Variants in MELK observed in about 807,000 individuals in gnomAD.
MELK encodes maternal embryonic leucine zipper kinase, also known as pEg3 kinase.
A neutral mutation model predicts 85.0 loss-of-function variants in MELK; 81 were observed. The observed-to-expected ratio is 0.95, with a 90% CI of 0.80 to 1.15. The LOEUF is 1.15. MELK is among the 50% of genes most tolerant of loss of function. The pLI is 0.00. For missense variants in MELK, 754 were observed against 777.5 expected (o/e 0.97, Z 0.36); for synonymous variants, 252 against 265.0 (o/e 0.95, Z 0.48).
At chr9:36,606,755 TATA>T (rs1354704026) in intron 7 of MELK, 1 of 147,848 alleles carries the variant, frequency 6.8e-6, no homozygotes. Flanking sequence ...ATATAATATA[TATA>T]ATAAATAATC....
At chr9:36,659,233 G>A (rs1286559242) in intron 13 of MELK, among the ~76,000 whole-genome samples, 1 of 151,964 alleles carries the variant, frequency 6.6e-6, no homozygotes, top group Non-Finnish European at 1.5e-5. Flanking sequence ...CCAGGCTGGT[G>A]TTAAACTCCT....
rs201838679 is a variant in MELK, at chr9:36,665,451, A to G, written c.1278A>G (p.Val426=). 3.3e-5 allele frequency: 54 copies of G among 1,613,200 alleles called. No homozygotes were observed. In the African/African-American group the frequency reaches 6.3e-4, roughly 19 times the overall value. Residue 426 remains valine, a synonymous_variant, in exon 14 of 18, where the codon GTA becomes GTG. Coordinates refer to ENST00000298048, the MANE Select transcript of MELK (RefSeq NM_014791.4). ...PANKLKNKEN[V]YTPKSAVKNE... ...ATAAATTAAAGAACAAAGAAAATGT[A>G]TATACTCCTAAGTCTGCTGTAAAGA...
intron 10 of MELK, among the ~76,000 whole-genome samples, chr9:36,641,903 G>A (rs1829795392): frequency 6.6e-6 from 1 of 152,066 alleles, no homozygotes; most frequent in Non-Finnish European, 1.5e-5. Context: ...CACCGCACCT[G>A]GCCTAAGAGA....
At chr9:36,639,394 T>C (rs957126310) in intron 10 of MELK, among the ~76,000 whole-genome samples, 1 of 152,206 alleles carries the variant, frequency 6.6e-6, no homozygotes, top group Admixed American at 6.5e-5. Flanking sequence ...TCAGATTTCC[T>C]TGAATATTTA....
intron 10 of MELK, among the ~76,000 whole-genome samples, chr9:36,640,342 A>G (rs1829644803): frequency 6.6e-6 from 1 of 152,168 alleles, no homozygotes; most frequent in East Asian, 1.9e-4. Context: ...ATGAGGGCCC[A>G]CTTTCTGGTT....
chr9:36,635,798 C>CT (rs759256315), intron 10 of MELK, among the ~76,000 whole-genome samples: 2,092 of 134,024 alleles, frequency 0.016, 26 homozygotes, highest in African/African-American at 0.033. Flanking sequence ...TTAAAAAATG[C>CT]TTTTTTTTTT....
chr9:36,584,992 T>G (rs1822727463), intron 3 of MELK, among the ~76,000 whole-genome samples: 1 of 152,150 alleles, frequency 6.6e-6, no homozygotes, highest in African/African-American at 2.4e-5. Context: ...GTACAGGGTA[T>G]GTAGGGGTGA....
chr9:36,603,942 T>C (rs2135714994), intron 7 of MELK, among the ~76,000 whole-genome samples: 1 of 152,260 alleles, frequency 6.6e-6, no homozygotes, highest in South Asian at 2.1e-4. Context: ...ACATAATCTT[T>C]CTGTTGACTT....
chr9:36,615,370 C>T (rs1263346363), intron 8 of MELK, among the ~76,000 whole-genome samples: 3 of 122,764 alleles, frequency 2.4e-5, no homozygotes, highest in African/African-American at 1.0e-4. Context: ...CCCTCCCGGT[C>T]GGCACGGCTG....
intron 1 of MELK, among the ~76,000 whole-genome samples, chr9:36,576,360 A>C (rs541246878): frequency 6.6e-6 from 1 of 152,074 alleles, no homozygotes; most frequent in East Asian, 1.9e-4. Flanking sequence ...AAATGGCTTA[A>C]TATTGTTTAT....
chr9:36,651,203 G>C (rs142900561), intron 11 of MELK, among the ~76,000 whole-genome samples: 13 of 152,244 alleles, frequency 8.5e-5, no homozygotes, highest in African/African-American at 3.1e-4. Context: ...AAAGGCAGGC[G>C]TCTCCCAGGA....
chr9:36,675,672 C>T (rs1382310653), intron 17 of MELK, among the ~76,000 whole-genome samples: 1 of 152,156 alleles, frequency 6.6e-6, no homozygotes, highest in Non-Finnish European at 1.5e-5. Context: ...CCTTACCTCT[C>T]TCCCGCTGTT....
intron 13 of MELK, among the ~76,000 whole-genome samples, chr9:36,660,503 G>A (rs1274363384): frequency 6.6e-6 from 1 of 151,852 alleles, no homozygotes; most frequent in African/African-American, 2.4e-5. Flanking sequence ...AAATTATTTT[G>A]TAGAGACAGG....
chr9:36,607,554 C>A (rs1564153588), intron 7 of MELK, 21 bp from the exon 8 acceptor site: 1 of 1,556,226 alleles, frequency 6.4e-7, no homozygotes, highest in East Asian at 2.2e-5. Context: ...AGTAATTTTT[C>A]TTTTTCCCTC....
At chr9:36,604,334 G>A (rs1288239021) in intron 7 of MELK, among the ~76,000 whole-genome samples, 8 of 125,324 alleles carry the variant, frequency 6.4e-5, no homozygotes, top group African/African-American at 1.5e-4. Context: ...GCTGGAGTGC[G>A]ATGGTGCAAT....
At position 36,607,515 on chromosome 9, in the gene MELK, A is replaced by C. The variant is rs1399030799; in HGVS notation, c.568-60A>C. The C allele has an allele frequency of 6.4e-6, 8 of 1,250,834 alleles. 1 individual carries two copies. Among genetic ancestry groups the C allele is most frequent in the Non-Finnish European group, 9.4e-6 (8 of 853,204 alleles). The allele number at this position is 1,250,834 out of a possible 1,614,324, so 77.5% of individuals were successfully genotyped here. A position where few individuals can be genotyped will look rare whatever the true frequency, so the allele number is the denominator to read the frequency against. On this transcript the variant is annotated intron_variant, in intron 7 of 17. Coordinates refer to ENST00000298048, the MANE Select transcript of MELK (RefSeq NM_014791.4). ...CTGTGATTGGATCAAGAGTCCTACC[A>C]TTCTGAAATATGTTTGAATTTTTGT...
intron 13 of MELK, among the ~76,000 whole-genome samples, chr9:36,663,780 C>G (rs989105437): frequency 3.9e-5 from 6 of 152,202 alleles, no homozygotes. Context: ...TTCCTTTATG[C>G]AGTCATCTGT....
intron 16 of MELK, among the ~76,000 whole-genome samples, chr9:36,671,467 C>T (rs914716350): frequency 1.3e-5 from 2 of 152,114 alleles, no homozygotes; most frequent in Non-Finnish European, 2.9e-5. Context: ...GAGCTGAGAG[C>T]TGCCTTAAGG....
chr9:36,636,999 A>AT (rs1489863212), intron 10 of MELK, among the ~76,000 whole-genome samples: 1 of 151,588 alleles, frequency 6.6e-6, no homozygotes, highest in East Asian at 1.9e-4. Flanking sequence ...CACCCGGCTA[A>AT]TTTTTTGTGT....
Sources: allele counts gnomAD v4.1 joint callset (sites outside exome capture counted in the v4.1 genomes callset), GRCh38; gene constraint gnomAD v4.1.1; transcripts MANE v1.5; gene names NCBI Gene and HGNC (gene_info 2026-07-23, HGNC 2026-07-21).